IL1RAPL2: variants seen among roughly 807,000 people sequenced by gnomAD.
IL1RAPL2 encodes the protein X-linked interleukin-1 receptor accessory protein-like 2.
In IL1RAPL2, 3 loss-of-function variants were observed where a neutral mutation model predicts 44.1. That is an observed-to-expected ratio of 0.07 (90% confidence interval 0.03 to 0.18). The LOEUF (loss-of-function observed/expected upper bound fraction) is 0.18, where lower values mean the gene tolerates loss of function less well. IL1RAPL2 is among the 10% of genes least tolerant of loss of function. IL1RAPL2 has a pLI of 1.00. For missense variants in IL1RAPL2, 391 were observed against 496.4 expected (o/e 0.79, Z 2.02); for synonymous variants, 181 against 178.8 (o/e 1.01, Z -0.10).
rs1491092918 is a variant in IL1RAPL2, at chrX:105,562,511, A to AC, written c.772+78124_772+78125insC. 3.0e-4 allele frequency among the ~76,000 whole-genome samples: 17 copies of AC among 57,439 alleles called. No individual in the cohort carries two copies. In the East Asian group the frequency reaches 5.3e-3, roughly 18 times the overall value. The allele number at this position is 57,439 out of a possible 115,157, so 49.9% of individuals were successfully genotyped here. ...ATACAATTATTTGTGAATTGAAAAT[A>AC]AACACACACACACACACACACACAC... On this transcript the variant is annotated intron_variant, in intron 6 of 10. Coordinates refer to ENST00000372582, the MANE Select transcript of IL1RAPL2 (RefSeq NM_017416.2).
intron 2 of IL1RAPL2, among the ~76,000 whole-genome samples, chrX:104,945,047 C>T (rs1033799799): frequency 1.1e-4 from 12 of 111,769 alleles, no homozygotes; most frequent in Non-Finnish European, 1.9e-4. Context: ...CCTCTGCCTG[C>T]TCTTTCTCTT....
At chrX:105,742,069 A>G (rs1038012726) in intron 8 of IL1RAPL2, among the ~76,000 whole-genome samples, 1 of 111,340 alleles carries the variant, frequency 9.0e-6, no homozygotes, top group Non-Finnish European at 1.9e-5. Context: ...GGGCTTAGAG[A>G]TCCTCCAATC....
At chrX:104,703,166 C>A (rs1931306882) in intron 2 of IL1RAPL2, among the ~76,000 whole-genome samples, 1 of 111,390 alleles carries the variant, frequency 9.0e-6, no homozygotes, top group Non-Finnish European at 1.9e-5. Flanking sequence ...AAGGAGTCAA[C>A]TCTGCTGGCT....
rs189301451 is a variant in IL1RAPL2, at chrX:105,572,161, T to C, written c.772+87774T>C. On this transcript the variant is annotated intron_variant, in intron 6 of 10. Transcript: ENST00000372582. ...GTGACATCAATTTTTCCCCGACATG[T>C]CCAATATGTATTAAATTCTGAATAC... 1.4e-3 allele frequency among the ~76,000 whole-genome samples: 160 copies of C among 111,561 alleles called. 1 individual carries two copies. Among genetic ancestry groups the C allele is most frequent in the African/African-American group, 4.9e-3 (151 of 30,744 alleles).
chrX:104,941,619 A>T (rs1377451327), intron 2 of IL1RAPL2, among the ~76,000 whole-genome samples: 1 of 111,283 alleles, frequency 9.0e-6, no homozygotes, highest in Non-Finnish European at 1.9e-5. Flanking sequence ...AGACGGGTAG[A>T]TTGTAAAAAT....
At chrX:104,887,550 A>T (rs971166755) in intron 2 of IL1RAPL2, among the ~76,000 whole-genome samples, 5 of 111,401 alleles carry the variant, frequency 4.5e-5, no homozygotes, top group African/African-American at 1.6e-4. Context: ...CATGACGTAA[A>T]TGGCATACTA....
intron 2 of IL1RAPL2, among the ~76,000 whole-genome samples, chrX:104,826,886 A>T (rs1921463934): frequency 1.2e-5 from 1 of 86,731 alleles, no homozygotes; most frequent in African/African-American, 4.4e-5. Flanking sequence ...GTCTTTTTTG[A>T]TCTTTGTTGG....
chrX:104,584,638 A>G (rs1014612564), intron 1 of IL1RAPL2, among the ~76,000 whole-genome samples: 1 of 111,161 alleles, frequency 9.0e-6, no homozygotes, highest in African/African-American at 3.3e-5. Flanking sequence ...AAAACTGTTC[A>G]ACCATGGGTT....
At chrX:104,711,466 A>T (rs1177740456) in intron 2 of IL1RAPL2, among the ~76,000 whole-genome samples, 1 of 110,889 alleles carries the variant, frequency 9.0e-6, no homozygotes, top group African/African-American at 3.3e-5. Context: ...CAGTCTAAGT[A>T]ACACCTACCT....
At chrX:104,929,654 G>C (rs1347429547) in intron 2 of IL1RAPL2, among the ~76,000 whole-genome samples, 1 of 111,854 alleles carries the variant, frequency 8.9e-6, no homozygotes, top group Non-Finnish European at 1.9e-5. Context: ...TGTGTGTTTA[G>C]GGCAGCAATT....
At chrX:104,714,452 GT>G (rs1173832990) in intron 2 of IL1RAPL2, among the ~76,000 whole-genome samples, 1 of 110,568 alleles carries the variant, frequency 9.0e-6, no homozygotes, top group Admixed American at 9.6e-5. Context: ...AGATCTGATG[GT>G]TTTATAATGG....
chrX:104,636,842 C>G lies in IL1RAPL2; in HGVS notation c.-19-22053C>G, dbSNP rs192101646. On this transcript the variant is annotated intron_variant, in intron 1 of 10. Transcript: ENST00000372582. ...TTGGCTCATGCTCAGTGTGCTGCAC[C>G]CACTGTCCTGCACCCACTTTCTGAC... Among the ~76,000 whole-genome samples, 17 of 111,862 alleles carry G rather than the reference C, an allele frequency of 1.5e-4. 1 individual carries two copies. Among genetic ancestry groups the G allele is most frequent in the Admixed American group, 1.1e-3 (12 of 10,612 alleles).
At chrX:105,301,738 T>C (rs185860388) in intron 5 of IL1RAPL2, among the ~76,000 whole-genome samples, 1 of 112,502 alleles carries the variant, frequency 8.9e-6, no homozygotes, top group East Asian at 2.8e-4. Context: ...TACTCCATTG[T>C]GTATATGTAC....
At chrX:105,097,125 G>A (rs187613535) in intron 2 of IL1RAPL2, among the ~76,000 whole-genome samples, 6 of 108,932 alleles carry the variant, frequency 5.5e-5, no homozygotes, top group East Asian at 2.9e-4. Context: ...TCAGGAGATC[G>A]AGACCATCCT....
intron 2 of IL1RAPL2, among the ~76,000 whole-genome samples, chrX:104,772,567 G>A (rs1438414217): frequency 8.9e-6 from 1 of 112,051 alleles, no homozygotes; most frequent in African/African-American, 3.2e-5. Flanking sequence ...CCTTGTTAAA[G>A]GTAATCTGAG....
chrX:105,546,090 G>A (rs1209362485), intron 6 of IL1RAPL2, among the ~76,000 whole-genome samples: 1 of 111,256 alleles, frequency 9.0e-6, no homozygotes, highest in African/African-American at 3.3e-5. Flanking sequence ...TTTGATAGTG[G>A]CAGAACAGCT....
chrX:104,792,381 A>G (rs1348209660), intron 2 of IL1RAPL2, among the ~76,000 whole-genome samples: 2 of 111,231 alleles, frequency 1.8e-5, no homozygotes, highest in East Asian at 5.7e-4. Flanking sequence ...TATTCCACTT[A>G]ACACAAGTCC....
chrX:104,673,693 T>C (rs1446515677), intron 2 of IL1RAPL2, among the ~76,000 whole-genome samples: 9 of 110,499 alleles, frequency 8.1e-5, no homozygotes, highest in Non-Finnish European at 1.3e-4. Flanking sequence ...TTGGGCAGTA[T>C]GGCCATTTTC....
At chrX:104,787,233 G>T (rs1932804021) in intron 2 of IL1RAPL2, among the ~76,000 whole-genome samples, 1 of 111,288 alleles carries the variant, frequency 9.0e-6, no homozygotes, top group African/African-American at 3.3e-5. Flanking sequence ...ATGTCAGGTT[G>T]TTAAAAGTAA....
Sources: gnomAD v4.1 joint callset for allele counts (sites outside exome capture counted in the v4.1 genomes callset) on GRCh38, gnomAD v4.1.1 for gene constraint, MANE v1.5 for transcripts, NCBI Gene and HGNC (gene_info 2026-07-23, HGNC 2026-07-21) for gene names.